NALF1: variants seen among roughly 807,000 people sequenced by gnomAD.
NALF1 encodes the protein family with sequence similarity 155 member A.
NALF1 carries 3 observed loss-of-function variants against 48.4 expected under a neutral mutation model. The ratio of observed to expected loss-of-function variants is 0.06; its 90% CI spans 0.03 to 0.16. The LOEUF (loss-of-function observed/expected upper bound fraction) is 0.16, where lower values mean the gene tolerates loss of function less well. Ranked by LOEUF, NALF1 falls within the 10% of genes least tolerant of loss-of-function variation. The pLI is 1.00. For synonymous variants in NALF1, 262 were observed against 245.7 expected (o/e 1.07, Z -0.62); for missense variants, 526 against 571.5 (o/e 0.92, Z 0.81).
At chr13:107,186,221 C>G (rs2138779886) in intron 2 of NALF1, among the ~76,000 whole-genome samples, 1 of 152,182 alleles carries the variant, frequency 6.6e-6, no homozygotes, top group Admixed American at 6.5e-5. Context: ...CCGGGGGATG[C>G]TGTAATGTAT....
intron 1 of NALF1, among the ~76,000 whole-genome samples, chr13:107,704,475 AT>A (rs1382742615): frequency 6.6e-6 from 1 of 151,676 alleles, no homozygotes; most frequent in Non-Finnish European, 1.5e-5. Context: ...TTTTCTGTTA[AT>A]TTTTTTCAGC....
intron 1 of NALF1, among the ~76,000 whole-genome samples, chr13:107,493,079 G>T (rs1040660002): frequency 3.9e-5 from 6 of 152,102 alleles, no homozygotes; most frequent in African/African-American, 1.4e-4. Context: ...ATTACAGCTT[G>T]ATGGCTTTAT....
chr13:107,542,191 A>G (rs1877017268), intron 1 of NALF1, among the ~76,000 whole-genome samples: 1 of 152,144 alleles, frequency 6.6e-6, no homozygotes. Context: ...ACCTGGATGA[A>G]CTTGGGAAGC....
chr13:107,836,504 T>G (rs950015525), intron 1 of NALF1, among the ~76,000 whole-genome samples: 1 of 152,150 alleles, frequency 6.6e-6, no homozygotes, highest in Non-Finnish European at 1.5e-5. Context: ...AATTTCTCAC[T>G]GAAAAAAATG....
At chr13:107,344,758 A>C (rs1317860904) in intron 1 of NALF1, among the ~76,000 whole-genome samples, 1 of 152,184 alleles carries the variant, frequency 6.6e-6, no homozygotes, top group African/African-American at 2.4e-5. Flanking sequence ...TTTTCCTTTA[A>C]TATCAGGAGC....
chr13:107,688,513 T>C (rs995999798), intron 1 of NALF1, among the ~76,000 whole-genome samples: 4 of 152,112 alleles, frequency 2.6e-5, no homozygotes, highest in African/African-American at 9.7e-5. Context: ...CAGTATAAAA[T>C]GTGTCAGATG....
intron 1 of NALF1, among the ~76,000 whole-genome samples, chr13:107,760,600 T>C (rs972958925): frequency 2.0e-5 from 3 of 152,338 alleles, no homozygotes; most frequent in East Asian, 1.9e-4. Flanking sequence ...CTTTGTAAAA[T>C]GGGAATTGTA....
chr13:107,520,935 G>C (rs1876216828), intron 1 of NALF1, among the ~76,000 whole-genome samples: 1 of 152,122 alleles, frequency 6.6e-6, no homozygotes, highest in Admixed American at 6.5e-5. Flanking sequence ...ATCTCCACGG[G>C]ATAAGGCTAA....
At chr13:107,818,855 G>C (rs1024510816) in intron 1 of NALF1, among the ~76,000 whole-genome samples, 2 of 94,468 alleles carry the variant, frequency 2.1e-5, no homozygotes, top group Non-Finnish European at 3.7e-5. Context: ...CTGGGCGACA[G>C]AGCGAGACTC....
chr13:107,607,190 A>G (rs1879097121), intron 1 of NALF1, among the ~76,000 whole-genome samples: 1 of 152,232 alleles, frequency 6.6e-6, no homozygotes, highest in Admixed American at 6.5e-5. Flanking sequence ...GTCGAAGACA[A>G]AAATCCTATT....
At chr13:107,311,796 C>A (rs568978722) in intron 1 of NALF1, among the ~76,000 whole-genome samples, 97 of 152,236 alleles carry the variant, frequency 6.4e-4, no homozygotes, top group Middle Eastern at 3.4e-3. Flanking sequence ...GAAGACATTT[C>A]TGCAGCTAAA....
chr13:107,744,715 C>T (rs978919731), intron 1 of NALF1, among the ~76,000 whole-genome samples: 2 of 152,164 alleles, frequency 1.3e-5, no homozygotes, highest in Non-Finnish European at 2.9e-5. Context: ...AAGAAATGTG[C>T]TTTCTATGAA....
At chr13:107,236,811 GA>G (rs973449706) in intron 1 of NALF1, among the ~76,000 whole-genome samples, 1 of 151,656 alleles carries the variant, frequency 6.6e-6, no homozygotes, top group South Asian at 2.1e-4. Flanking sequence ...AAAATATTTG[GA>G]AAAAAAGGAT....
chr13:107,510,992 C>A (rs1875869446), intron 1 of NALF1, among the ~76,000 whole-genome samples: 2 of 152,164 alleles, frequency 1.3e-5, no homozygotes, highest in Non-Finnish European at 2.9e-5. Context: ...TAGCCCAAAG[C>A]AAGGCTCCAC....
At chr13:107,533,081 A>G (rs376236449) in intron 1 of NALF1, among the ~76,000 whole-genome samples, 6 of 152,110 alleles carry the variant, frequency 3.9e-5, no homozygotes, top group Admixed American at 6.6e-5. Context: ...TTAAACTTTT[A>G]TTTAACTCAT....
intron 1 of NALF1, among the ~76,000 whole-genome samples, chr13:107,608,728 G>GA (rs1488939129): frequency 2.0e-5 from 3 of 152,140 alleles, no homozygotes; most frequent in East Asian, 3.9e-4. Context: ...TGTTGACTCC[G>GA]AAAAAAATAG....
chr13:107,808,284 G>A (rs528343092), intron 1 of NALF1, among the ~76,000 whole-genome samples: 3 of 152,030 alleles, frequency 2.0e-5, no homozygotes, highest in Admixed American at 6.6e-5. Context: ...AACCTTTCTC[G>A]GCTCCATCTG....
chr13:107,384,298 C>G (rs1362446301), intron 1 of NALF1, among the ~76,000 whole-genome samples: 2 of 151,934 alleles, frequency 1.3e-5, no homozygotes, highest in African/African-American at 4.8e-5. Flanking sequence ...CAAAAAAAAC[C>G]CTGCCTGCTC....
chr13:107,703,041 T>C (rs1259660134), intron 1 of NALF1, among the ~76,000 whole-genome samples: 2 of 152,232 alleles, frequency 1.3e-5, no homozygotes, highest in Non-Finnish European at 2.9e-5. Flanking sequence ...GAATGATTTA[T>C]ATTCCTTTGG....
Sources: allele counts gnomAD v4.1 joint callset (sites outside exome capture counted in the v4.1 genomes callset), GRCh38; gene constraint gnomAD v4.1.1; transcripts MANE v1.5; gene names NCBI Gene and HGNC (gene_info 2026-07-23, HGNC 2026-07-21).